Variants in DNAH14 observed in about 807,000 individuals in gnomAD.
DNAH14 encodes the protein dynein axonemal heavy chain 14, also known as axonemal beta dynein heavy chain 14.
In DNAH14, 478 loss-of-function variants were observed where a neutral mutation model predicts 520.9. That is an observed-to-expected ratio of 0.92 (90% CI 0.85 to 0.99). The LOEUF is 0.99. Among genes scored for constraint, DNAH14 ranks in the 50% least tolerant of loss-of-function variants. The pLI, the probability that DNAH14 is intolerant of heterozygous loss-of-function variation, is 0.00. For missense variants in DNAH14, 4,831 were observed against 5,234.5 expected (o/e 0.92, Z 2.38); for synonymous variants, 1,581 against 1,757.2 (o/e 0.90, Z 2.51).
chr1:225,251,936 T>C (rs953132398), intron 43 of DNAH14, among the ~76,000 whole-genome samples: 5 of 152,196 alleles, frequency 3.3e-5, no homozygotes, highest in Non-Finnish European at 7.4e-5. Context: ...AATAGAAAGA[T>C]AAGTGTGATT....
chr1:225,234,622 A>T (rs951560802), intron 42 of DNAH14, among the ~76,000 whole-genome samples: 4 of 152,194 alleles, frequency 2.6e-5, no homozygotes, highest in Non-Finnish European at 5.9e-5. Flanking sequence ...TTGAATCTCT[A>T]AATTGCTTTG....
intron 36 of DNAH14, among the ~76,000 whole-genome samples, chr1:225,172,816 A>G (rs1351518219): frequency 6.6e-6 from 1 of 152,232 alleles, no homozygotes; most frequent in South Asian, 2.1e-4. Context: ...TCCTAAGCCA[A>G]AAGAACAAAG....
rs1558882923 is a variant in DNAH14, at chr1:225,078,803, T to TCCCC, written c.2425-403_2425-402insCCCC. On this transcript the variant is annotated intron_variant, in intron 17 of 85. Coordinates refer to ENST00000682510, the MANE Select transcript of DNAH14 (RefSeq NM_001367479.1). ...CTCTCTCTCTCTCTCTCTCTCTCTC[T>TCCCC]CTCTCTCTCTCTCTCTCTCTCCCTC... Among the ~76,000 whole-genome samples the TCCCC allele has an allele frequency of 1.2e-4, 6 of 48,208 alleles. 1 individual carries two copies. Among genetic ancestry groups the TCCCC allele is most frequent in the Admixed American group, 7.2e-4 (3 of 4,158 alleles). 31.6% of individuals were successfully genotyped at this position (48,208 alleles called of 152,430 possible). A position where few individuals can be genotyped will look rare whatever the true frequency, so the allele number is the denominator to read the frequency against.
chr1:225,259,893 C>G (rs192614663), intron 46 of DNAH14, among the ~76,000 whole-genome samples: 9 of 152,236 alleles, frequency 5.9e-5, no homozygotes, highest in Non-Finnish European at 1.3e-4. Context: ...GACAGAATTT[C>G]CTTCTTTTTA....
chr1:225,204,990 G>A (rs1451427397), intron 39 of DNAH14, among the ~76,000 whole-genome samples: 1 of 152,154 alleles, frequency 6.6e-6, no homozygotes, highest in Non-Finnish European at 1.5e-5. Flanking sequence ...CTTAGCAGTA[G>A]TGGCTATATG....
chr1:225,047,601 A>C (rs1203795267), intron 15 of DNAH14, among the ~76,000 whole-genome samples: 1 of 152,192 alleles, frequency 6.6e-6, no homozygotes, highest in African/African-American at 2.4e-5. Flanking sequence ...ATAGTCACAC[A>C]ATGATGAAAT....
intron 27 of DNAH14, among the ~76,000 whole-genome samples, chr1:225,133,648 G>A (rs1359174430): frequency 6.6e-6 from 1 of 152,180 alleles, no homozygotes; most frequent in Non-Finnish European, 1.5e-5. Context: ...ATAGTTTGAA[G>A]TCAAGTAGTG....
Position 225,043,922 on chromosome 1 carries a change from CA to C in DNAH14, c.1853del (p.Asn618ThrfsTer7), listed in dbSNP as rs769201563. On this transcript the variant is annotated frameshift_variant, in exon 15 of 86. Transcript: ENST00000682510. LOFTEE classifies it high-confidence loss of function. ...TTCCTACAAATCTCTTTATAGATCC[CA>C]ACAGATTGGAGTTTTCAGTAAAAAT... is the stretch of plus-strand genomic sequence containing the variant. ...EFPTNLFIDP[N>X]RLEFSVKIQN... 1 of 1,525,922 alleles carries C rather than the reference CA, an allele frequency of 6.6e-7. No individual in the cohort carries two copies. The highest frequency in any genetic ancestry group is 1.2e-5 in the South Asian group (1 of 80,874). 94.5% of individuals were successfully genotyped at this position (1,525,922 alleles called of 1,614,324 possible).
intron 4 of DNAH14, among the ~76,000 whole-genome samples, chr1:224,963,957 A>G (rs1199582448): frequency 6.6e-6 from 1 of 152,160 alleles, no homozygotes; most frequent in Non-Finnish European, 1.5e-5. Flanking sequence ...CTATCAAGAA[A>G]GGAAGTTTAA....
chr1:225,012,640 T>C (rs1222714216), intron 10 of DNAH14, among the ~76,000 whole-genome samples: 1 of 152,240 alleles, frequency 6.6e-6, no homozygotes, highest in Non-Finnish European at 1.5e-5. Flanking sequence ...CTCATATTTC[T>C]TTGAGACTTT....
chr1:225,289,139 G>C (rs1380096385), intron 54 of DNAH14, among the ~76,000 whole-genome samples: 1 of 152,050 alleles, frequency 6.6e-6, no homozygotes, highest in Non-Finnish European at 1.5e-5. Context: ...ACAAACTACT[G>C]ATACACATAC....
intron 8 of DNAH14, among the ~76,000 whole-genome samples, chr1:224,994,368 G>A (rs946857784): frequency 6.6e-6 from 1 of 151,936 alleles, no homozygotes; most frequent in African/African-American, 2.4e-5. Flanking sequence ...AATGTTGGGT[G>A]TGTATATAGT....
At chr1:225,274,000 A>C (rs1485686101) in intron 52 of DNAH14, among the ~76,000 whole-genome samples, 2 of 152,082 alleles carry the variant, frequency 1.3e-5, no homozygotes, top group East Asian at 3.9e-4. Flanking sequence ...CATGTGTGCG[A>C]GTGTGTCTTT....
intron 66 of DNAH14, among the ~76,000 whole-genome samples, chr1:225,335,954 T>TATGTATATAC (rs1558439895): frequency 9.0e-5 from 13 of 144,250 alleles, no homozygotes; most frequent in African/African-American, 3.3e-4. Flanking sequence ...TATGTATATA[T>TATGTATATAC]ACACATATAC....
chr1:225,013,608 A>C (rs1030820700), intron 10 of DNAH14, among the ~76,000 whole-genome samples: 3 of 152,088 alleles, frequency 2.0e-5, no homozygotes, highest in African/African-American at 4.8e-5. Context: ...TTTATCTGTA[A>C]GCCCCTGACT....
chr1:225,300,854 T>A lies in DNAH14; in HGVS notation c.8470-15T>A. On this transcript the variant is annotated splice_polypyrimidine_tract_variant and intron_variant, in intron 55 of 85. Transcript: ENST00000682510. ...ATAATTTACTCTTCCTCATTAAATA[T>A]GTGTTTTGCCTAAGGACTCATTTTT... The A allele has an allele frequency of 1.3e-6, 2 of 1,549,438 alleles. No homozygotes were observed. Among genetic ancestry groups the A allele is most frequent in the South Asian group, 2.4e-5 (2 of 83,670 alleles).
At chr1:225,335,390 TAC>T (rs1249863857) in intron 66 of DNAH14, among the ~76,000 whole-genome samples, 1 of 94,934 alleles carries the variant, frequency 1.1e-5, no homozygotes, top group Non-Finnish European at 2.2e-5. Flanking sequence ...TATGCACATA[TAC>T]ACATGTGTAC....
chr1:224,998,227 A>C (rs2063521423), intron 8 of DNAH14, among the ~76,000 whole-genome samples: 1 of 151,988 alleles, frequency 6.6e-6, no homozygotes, highest in Non-Finnish European at 1.5e-5. Context: ...TTAAAGAATC[A>C]GCTCTTTGTT....
intron 17 of DNAH14, among the ~76,000 whole-genome samples, chr1:225,077,025 A>G (rs1847909): frequency 0.8 from 121,262 of 152,060 alleles, 51,726 homozygotes; most frequent in Non-Finnish European, 0.96. Context: ...TCAGCAAACT[A>G]TCAAAAGGAC....
Sources: allele counts gnomAD v4.1 joint callset (sites outside exome capture counted in the v4.1 genomes callset), GRCh38; gene constraint gnomAD v4.1.1; transcripts MANE v1.5; gene names NCBI Gene and HGNC (gene_info 2026-07-23, HGNC 2026-07-21).